Variants in CLEC2A observed in about 807,000 individuals in gnomAD.
CLEC2A encodes the protein keratinocyte-associated C-type lectin.
CLEC2A carries 19 observed loss-of-function variants against 18.6 expected under a neutral mutation model. That is an observed-to-expected ratio of 1.02 (90% confidence interval 0.71 to 1.50). The LOEUF (loss-of-function observed/expected upper bound fraction) is 1.50. CLEC2A is among the 40% of genes most tolerant of loss of function. The probability of loss-of-function intolerance (pLI) is 0.00; values close to 1 mark genes in which losing one functional copy is unlikely to be tolerated. For synonymous variants in CLEC2A, 74 were observed against 64.0 expected, an observed-to-expected ratio of 1.16 and a Z score of -0.75; for missense variants, 190 against 207.9, an observed-to-expected ratio of 0.91 and a Z score of 0.53.
chr12:9,913,759 T>A (rs1211780960), intron 4 of CLEC2A, 79 bp from the exon 5 acceptor site: 7 of 909,702 alleles, frequency 7.7e-6, no homozygotes, highest in Non-Finnish European at 1.1e-5. Context: ...AGAGTGATTT[T>A]AAATATATTA....
chr12:9,903,958 T>C (rs767641680), intron 4 of CLEC2A, among the ~76,000 whole-genome samples: 39 of 152,336 alleles, frequency 2.6e-4, no homozygotes, highest in Non-Finnish European at 5.3e-4. Flanking sequence ...GTGAAAGGGA[T>C]GGCCAGTTGG....
the CLEC2A span, among the ~76,000 whole-genome samples, chr12:9,886,697 C>A: frequency 7.4e-6 from 1 of 135,966 alleles, no homozygotes; most frequent in East Asian, 2.2e-4. Context: ...AAGCCATGCT[C>A]TTTTTGATTG....
At chr12:9,884,536 T>C in the CLEC2A span, among the ~76,000 whole-genome samples, 1 of 149,962 alleles carries the variant, frequency 6.7e-6, no homozygotes, top group African/African-American at 2.4e-5. Flanking sequence ...ATATACATTT[T>C]ATATATTATT....
chr12:9,928,108 C>T (rs2137056585), intron 1 of CLEC2A, among the ~76,000 whole-genome samples: 1 of 152,204 alleles, frequency 6.6e-6, no homozygotes, highest in Admixed American at 6.5e-5. Context: ...ATTAGTAAAG[C>T]TGTCTTAGAG....
At chr12:9,913,816 G>T in intron 4 of CLEC2A, 136 bp from the exon 5 acceptor site, 1 of 569,300 alleles carries the variant, frequency 1.8e-6, no homozygotes, top group Non-Finnish European at 3.0e-6. Context: ...ATCACCATAT[G>T]CTGCATTAAA....
At chr12:9,892,337 A>G in the CLEC2A span, among the ~76,000 whole-genome samples, 1 of 152,224 alleles carries the variant, frequency 6.6e-6, no homozygotes, top group Non-Finnish European at 1.5e-5. Context: ...ACAGACATGA[A>G]GTGCAGGTTG....
intron 2 of CLEC2A, among the ~76,000 whole-genome samples, chr12:9,925,458 T>G (rs1863253428): frequency 6.6e-6 from 1 of 152,210 alleles, no homozygotes; most frequent in Non-Finnish European, 1.5e-5. Context: ...TGGAATGTAT[T>G]ATTTGTGAGA....
the CLEC2A span, among the ~76,000 whole-genome samples, chr12:9,883,793 C>A: frequency 2.0e-5 from 3 of 152,092 alleles, no homozygotes; most frequent in Non-Finnish European, 4.4e-5. Flanking sequence ...TAAGTATATA[C>A]TATAGATCTA....
intron 4 of CLEC2A, among the ~76,000 whole-genome samples, chr12:9,915,074 A>G (rs1235503486): frequency 6.6e-6 from 1 of 152,196 alleles, no homozygotes. Flanking sequence ...GAAGACATTT[A>G]TGCAGCCAAC....
chr12:9,917,545 A>T (rs1040709486), intron 3 of CLEC2A, among the ~76,000 whole-genome samples: 1 of 152,196 alleles, frequency 6.6e-6, no homozygotes, highest in African/African-American at 2.4e-5. Flanking sequence ...TAGATCAAAG[A>T]TAAAAGTAGA....
At chr12:9,906,400 G>A (rs1862908860) in intron 4 of CLEC2A, among the ~76,000 whole-genome samples, 1 of 152,170 alleles carries the variant, frequency 6.6e-6, no homozygotes. Context: ...CAAAGGAAAA[G>A]CCTTTTTGCT....
chr12:9,881,624 T>A, the CLEC2A span: 1 of 1,535,480 alleles, frequency 6.5e-7, no homozygotes. Context: ...TATATGACGC[T>A]GAGTTTCAAG....
At chr12:9,889,361 TA>T in the CLEC2A span, among the ~76,000 whole-genome samples, 1,462 of 152,302 alleles carry the variant, frequency 9.6e-3, 17 homozygotes, top group African/African-American at 0.034. Flanking sequence ...ACTGGGAAGA[TA>T]TTTTTTAGAT....
intron 4 of CLEC2A, among the ~76,000 whole-genome samples, chr12:9,914,308 A>G (rs991766468): frequency 5.3e-5 from 8 of 152,220 alleles, no homozygotes; most frequent in African/African-American, 1.7e-4. Context: ...TAAAGATCCA[A>G]TGCAATACCC....
chr12:9,891,748 T>G, the CLEC2A span, among the ~76,000 whole-genome samples: 7 of 152,300 alleles, frequency 4.6e-5, no homozygotes, highest in East Asian at 1.3e-3. Context: ...TAAGAATATA[T>G]ATGAAGTTTC....
At chr12:9,930,879 T>C (rs1419001843) in intron 1 of CLEC2A, among the ~76,000 whole-genome samples, 12 of 152,114 alleles carry the variant, frequency 7.9e-5, no homozygotes, top group Non-Finnish European at 1.6e-4. Flanking sequence ...CTAGGTCTTA[T>C]TCATTCTTAA....
intron 1 of CLEC2A, among the ~76,000 whole-genome samples, chr12:9,928,805 A>G (rs983989188): frequency 1.3e-5 from 2 of 152,246 alleles, no homozygotes; most frequent in African/African-American, 2.4e-5. Flanking sequence ...ATATGACTAC[A>G]TGCCACTTGC....
chr12:9,915,302 C>T (rs1863053736), intron 4 of CLEC2A, among the ~76,000 whole-genome samples: 1 of 152,116 alleles, frequency 6.6e-6, no homozygotes, highest in Non-Finnish European at 1.5e-5. Context: ...GGTGATTCCT[C>T]AAGGATCTAG....
At chr12:9,893,624 T>C in the CLEC2A span, 1 of 501,002 alleles carries the variant, frequency 2.0e-6, no homozygotes, top group Non-Finnish European at 3.4e-6. Context: ...CATTCTTTTT[T>C]CCTTCTTTCT....
Sources: allele counts gnomAD v4.1 joint callset (sites outside exome capture counted in the v4.1 genomes callset), GRCh38; gene constraint gnomAD v4.1.1; transcripts MANE v1.5; gene names NCBI Gene and HGNC (gene_info 2026-07-23, HGNC 2026-07-21).